The following LRIG2 variants were observed in gnomAD, a reference collection of about 807,000 sequenced individuals.
LRIG2 encodes the protein leucine-rich repeats and immunoglobulin-like domains protein 2.
A neutral mutation model predicts 107.8 loss-of-function variants in LRIG2; 93 were observed. That is an observed-to-expected ratio of 0.86 (90% CI 0.73 to 1.03). LRIG2 has a LOEUF of 1.03. LRIG2 is among the 50% of genes least tolerant of loss of function. The pLI is 0.00. For missense variants in LRIG2, 1,226 were observed against 1,296.0 expected (o/e 0.95, Z 0.83); for synonymous variants, 471 against 470.6 (o/e 1.00, Z -0.01).
rs1654721815 is a variant in LRIG2, at chr1:113,110,384, G to A, written c.1620G>A (p.Leu540=). 6.2e-7 allele frequency: 1 copy of A among 1,614,088 alleles called. No individual in the cohort carries two copies. Among genetic ancestry groups the A allele is most frequent in the Admixed American group, 1.7e-5 (1 of 60,012 alleles). ...TGTGGCGCAAAGACAGTGAAATCCT[G>A]TATGACGTGGATACTGAGAATTTTG... ...STVWRKDSEI[L]YDVDTENFVR... Residue 540 remains leucine, a synonymous_variant, in exon 13 of 18, where the codon CTG becomes CTA. Transcript: ENST00000361127.
intron 1 of LRIG2, among the ~76,000 whole-genome samples, chr1:113,091,061 T>C (rs570632664): frequency 5.9e-5 from 9 of 151,730 alleles, no homozygotes; most frequent in Admixed American, 1.3e-4. Flanking sequence ...CAGGTGATTC[T>C]TGAACTCCTG....
In LRIG2 at chr1:113,127,125, C is replaced by T. The variant is rs1054170244; in HGVS notation, c.*3024C>T. 1 of 152,202 alleles carries T rather than the reference C, an allele frequency of 6.6e-6. No individual in the cohort carries two copies. The highest frequency in any genetic ancestry group is 1.5e-5 in the Non-Finnish European group (1 of 68,038). 9.4% of individuals were successfully genotyped at this position (152,202 alleles called of 1,614,324 possible). On this transcript the variant is annotated 3_prime_UTR_variant, in exon 18 of 18. Coordinates refer to ENST00000361127, the MANE Select transcript of LRIG2 (RefSeq NM_014813.3). ...CAGGAAACCAAAGATTGCTTCTTTT[C>T]CAAGTTTGTTTTGTTTTTAATCTTT... is the stretch of plus-strand genomic sequence containing the variant.
At chr1:113,118,129 G>A (rs1188160781) in intron 16 of LRIG2, among the ~76,000 whole-genome samples, 1 of 151,758 alleles carries the variant, frequency 6.6e-6, no homozygotes, top group African/African-American at 2.4e-5. Flanking sequence ...ATATTGGCCA[G>A]GCTGGTCTCA....
Position 113,119,490 on chromosome 1 carries a change from GAGA to G in LRIG2, c.2943_2945del (p.Lys982del), listed in dbSNP as rs1655155413. On this transcript the variant is annotated inframe_deletion, in exon 17 of 18. Coordinates refer to ENST00000361127, the MANE Select transcript of LRIG2 (RefSeq NM_014813.3). Reference sequence around the variant, plus strand: ...TCCCACCAACCATGAGAGGATAAGTGAGAAGAAACTTCCCTCCACACAGATGAG... The same window carrying G: ...TCCCACCAACCATGAGAGGATAAGTGAGAAACTTCCCTCCACACAGATGAG... The G allele has an allele frequency of 6.2e-7, 1 of 1,614,036 alleles. No individual in the cohort carries two copies.
chr1:113,121,431 T>C (rs1655250696), intron 17 of LRIG2, among the ~76,000 whole-genome samples: 1 of 152,116 alleles, frequency 6.6e-6, no homozygotes, highest in South Asian at 2.1e-4. Flanking sequence ...CAGCCTGACA[T>C]GGAAGAGCAG....
At position 113,084,372 on chromosome 1, in the gene LRIG2, T is replaced by C. The variant is rs190944293; in HGVS notation, c.240-6946T>C. 9.5e-3 allele frequency among the ~76,000 whole-genome samples: 1,437 copies of C among 152,012 alleles called. 22 individuals are homozygous for C. Among genetic ancestry groups the C allele is most frequent in the African/African-American group, 0.033 (1,374 of 41,484 alleles). On this transcript the variant is annotated intron_variant, in intron 1 of 17. Coordinates refer to ENST00000361127, the MANE Select transcript of LRIG2 (RefSeq NM_014813.3). ...CTGGGACTACAGGCACCCGCCACCA[T>C]GCCCGGCTGATTTTTTATATTTTTA... is the stretch of plus-strand genomic sequence containing the variant.
intron 1 of LRIG2, among the ~76,000 whole-genome samples, chr1:113,079,589 A>G (rs1025469755): frequency 6.7e-6 from 1 of 149,248 alleles, no homozygotes; most frequent in African/African-American, 2.5e-5. Flanking sequence ...AGGCTGAGGC[A>G]GGAGAATCGC....
chr1:113,107,696 A>G lies in LRIG2; in HGVS notation c.1416A>G (p.Ala472=). Residue 472 remains alanine, a synonymous_variant, in exon 12 of 18, where the codon GCA becomes GCG. Transcript: ENST00000361127. ...NFQHSVNVSC[A]HPEWLAGQSI... ...AACATTCTGTGAATGTAAGCTGTGC[A>G]CACCCTGAATGGCTAGCAGGGCAAA... 6.2e-7 allele frequency: 1 copy of G among 1,613,934 alleles called. No individual in the cohort carries two copies. Among genetic ancestry groups the G allele is most frequent in the Non-Finnish European group, 8.5e-7 (1 of 1,179,940 alleles).
Position 113,128,657 on chromosome 1 carries a change from C to CTT in LRIG2, c.*4557_*4558insTT, listed in dbSNP as rs1461867341. 1.3e-5 allele frequency: 2 copies of CTT among 152,052 alleles called. No homozygotes were observed. Among genetic ancestry groups the CTT allele is most frequent in the African/African-American group, 4.8e-5 (2 of 41,390 alleles). 9.4% of individuals were successfully genotyped at this position (152,052 alleles called of 1,614,324 possible). Reference sequence around the variant, plus strand: ...TTTCCTTTATAGCAGGAGTAATGGTCTAAGAAATACTCATTAGGAGAAAAA... The same window carrying CTT: ...TTTCCTTTATAGCAGGAGTAATGGTCTTTAAGAAATACTCATTAGGAGAAAAA... On this transcript the variant is annotated 3_prime_UTR_variant, in exon 18 of 18. Transcript: ENST00000361127.
chr1:113,098,808 AT>A, intron 9 of LRIG2, 23 bp downstream of exon 9: 1 of 1,378,294 alleles, frequency 7.3e-7, no homozygotes, highest in Non-Finnish European at 1.0e-6. Context: ...ATATTTATGT[AT>A]GTCTACATAG....
chr1:113,112,382 G>T, intron 13 of LRIG2, 97 bp from the exon 14 acceptor site: 2 of 989,548 alleles, frequency 2.0e-6, no homozygotes, highest in Admixed American at 2.3e-5. Context: ...AACATTAGGG[G>T]GTGTCTTGCC....
intron 17 of LRIG2, among the ~76,000 whole-genome samples, chr1:113,120,197 C>G (rs1253129895): frequency 6.6e-6 from 1 of 151,802 alleles, no homozygotes; most frequent in African/African-American, 2.4e-5. Flanking sequence ...CGCCTGTAAT[C>G]TTAGCACTTT....
chr1:113,113,576 ATTTT>A (rs1199686850), intron 14 of LRIG2, among the ~76,000 whole-genome samples: 3 of 126,102 alleles, frequency 2.4e-5, no homozygotes, highest in South Asian at 2.7e-4. Flanking sequence ...TTATTTATTT[ATTTT>A]GAGACGGAGT....
chr1:113,077,234 G>A (rs538670218), intron 1 of LRIG2, among the ~76,000 whole-genome samples: 2 of 151,120 alleles, frequency 1.3e-5, no homozygotes, highest in African/African-American at 2.4e-5. Context: ...AACCTCTGTC[G>A]CCCGGGTTCA....
intron 12 of LRIG2, among the ~76,000 whole-genome samples, chr1:113,108,749 C>T (rs1440332384): frequency 2.6e-5 from 4 of 152,018 alleles, no homozygotes; most frequent in East Asian, 2.0e-4. Flanking sequence ...TGGTGGCACA[C>T]GCCTGTAATC....
intron 2 of LRIG2, 30 bp from the exon 3 acceptor site, chr1:113,093,176 A>G: frequency 7.0e-7 from 1 of 1,419,038 alleles, no homozygotes; most frequent in South Asian, 1.2e-5. Flanking sequence ...CCCTCACTAA[A>G]CATTTAAATC....
At chr1:113,089,473 AT>A (rs1192110670) in intron 1 of LRIG2, among the ~76,000 whole-genome samples, 2 of 152,170 alleles carry the variant, frequency 1.3e-5, no homozygotes, top group African/African-American at 4.8e-5. Flanking sequence ...CCAATCAGTG[AT>A]CTTTCTATGC....
In LRIG2 at chr1:113,126,115, G is replaced by A. The variant is rs1052181768; in HGVS notation, c.*2014G>A. The A allele has an allele frequency of 6.6e-6, 1 of 152,074 alleles. No homozygotes were observed. The highest frequency in any genetic ancestry group is 6.5e-5 in the Admixed American group (1 of 15,268). 9.4% of individuals were successfully genotyped at this position (152,074 alleles called of 1,614,324 possible). On this transcript the variant is annotated 3_prime_UTR_variant, in exon 18 of 18. Coordinates refer to ENST00000361127, the MANE Select transcript of LRIG2 (RefSeq NM_014813.3). ...GATTGTGTCTGGAGAACGTTTTCCT[G>A]GAAAGGCATTCCATGTTCCAAAAGC...
At position 113,107,760 on chromosome 1, in the gene LRIG2, T is replaced by G; in HGVS notation, c.1477+3T>G. 1 of 1,610,562 alleles carries G rather than the reference T, an allele frequency of 6.2e-7. No homozygotes were observed. Among genetic ancestry groups the G allele is most frequent in the East Asian group, 2.2e-5 (1 of 44,800 alleles). ...GGATCTGAAAGATTTTGTCTGTGGTTTGTATTTTTGTTTTAAAATTTTATA... is the reference window on the plus strand; with the variant it reads ...GGATCTGAAAGATTTTGTCTGTGGTGTGTATTTTTGTTTTAAAATTTTATA... On this transcript the variant is annotated splice_donor_region_variant and intron_variant, in intron 12 of 17. Transcript: ENST00000361127.
Sources: gnomAD v4.1 joint callset for allele counts (sites outside exome capture counted in the v4.1 genomes callset) on GRCh38, gnomAD v4.1.1 for gene constraint, MANE v1.5 for transcripts, NCBI Gene and HGNC (gene_info 2026-07-23, HGNC 2026-07-21) for gene names.